Variants in WASHC2A observed in about 807,000 individuals in gnomAD.
The protein encoded by WASHC2A is WASH complex subunit 2A.
In WASHC2A, 82 loss-of-function variants were observed where a neutral mutation model predicts 140.3. That is an observed-to-expected ratio of 0.58 (90% confidence interval 0.49 to 0.70). The LOEUF (loss-of-function observed/expected upper bound fraction) is 0.70. Among genes scored for constraint, WASHC2A ranks in the 30% least tolerant of loss-of-function variants. The pLI is 0.00. For missense variants in WASHC2A, 985 were observed against 1,521.8 expected, an observed-to-expected ratio of 0.65 and a Z score of 5.87; for synonymous variants, 340 against 560.8, an observed-to-expected ratio of 0.61 and a Z score of 5.56.
rs1337138073 is a variant in WASHC2A, at chr10:50,077,116, C to CA, written c.292-1544dup. 2.3e-3 allele frequency among the ~76,000 whole-genome samples: 278 copies of CA among 119,986 alleles called. 1 individual carries two copies. Among genetic ancestry groups the CA allele is most frequent in the East Asian group, 5.2e-3 (20 of 3,878 alleles). The allele number at this position is 119,986 out of a possible 152,430, so 78.7% of individuals were successfully genotyped here. A position where few individuals can be genotyped will look rare whatever the true frequency, so the allele number is the denominator to read the frequency against. ...TTGGCAACAGAGTGAGACTCCATCT[C>CA]AAAAAAAAAAAAAAAGGGCAAAAAC... On this transcript the variant is annotated intron_variant, in intron 3 of 30. Transcript: ENST00000282633.
intron 8 of WASHC2A, among the ~76,000 whole-genome samples, chr10:50,087,712 C>T (rs1402285305): frequency 6.6e-6 from 1 of 152,080 alleles, no homozygotes; most frequent in African/African-American, 2.4e-5. Context: ...TGTCTTAGCA[C>T]GGTTATCTTA....
intron 17 of WASHC2A, among the ~76,000 whole-genome samples, chr10:50,101,794 T>A (rs1272599143): frequency 5.4e-5 from 8 of 148,904 alleles, no homozygotes; most frequent in Non-Finnish European, 1.5e-5. Context: ...GGGTCTCTTG[T>A]GTCTGAAGGT....
chr10:50,082,193 T>C (rs1838962256), intron 5 of WASHC2A, among the ~76,000 whole-genome samples: 1 of 149,972 alleles, frequency 6.7e-6, no homozygotes, highest in East Asian at 2.0e-4. Flanking sequence ...CACTTTTCTT[T>C]TGTAGGAGGA....
chr10:50,114,106 T>C, intron 21 of WASHC2A, 109 bp downstream of exon 21: 1 of 327,062 alleles, frequency 3.1e-6, no homozygotes, highest in Non-Finnish European at 5.2e-6. Context: ...CTGAGTCTTA[T>C]GGAAGACCTT....
In WASHC2A at chr10:50,133,399, T is replaced by C. The variant is rs1366606407; in HGVS notation, c.*454T>C. 8.5e-6 allele frequency: 4 copies of C among 472,364 alleles called. No individual in the cohort carries two copies. Among genetic ancestry groups the C allele is most frequent in the Non-Finnish European group, 1.7e-5 (4 of 229,440 alleles). The allele number at this position is 472,364 out of a possible 1,614,324, so 29.3% of individuals were successfully genotyped here. ...AGTCTTAGCAATATGGGAGCAGGTT[T>C]TCACTGAATTCTGAGGGTGCCTCTG... On this transcript the variant is annotated 3_prime_UTR_variant, in exon 31 of 31. Transcript: ENST00000282633.
At chr10:50,124,788 G>A (rs1349583309) in intron 23 of WASHC2A, among the ~76,000 whole-genome samples, 20 of 150,394 alleles carry the variant, frequency 1.3e-4, no homozygotes, top group African/African-American at 4.9e-4. Flanking sequence ...CTAATGGATT[G>A]CTTTTCTAAT....
intron 19 of WASHC2A, among the ~76,000 whole-genome samples, chr10:50,109,161 C>T (rs1554889440): frequency 6.6e-6 from 1 of 152,142 alleles, no homozygotes; most frequent in African/African-American, 2.4e-5. Flanking sequence ...CTGCTGCTGG[C>T]TTGTGGACTC....
At position 50,125,259 on chromosome 10, in the gene WASHC2A, C is replaced by G. The variant is rs1843335660; in HGVS notation, c.2607+18C>G. ...AAACCAAGGTCAGTTCCAAATGGTT[C>G]CCCACAGTATGACTTGTTATTGTAT... On this transcript the variant is annotated intron_variant, in intron 24 of 30. Coordinates refer to ENST00000282633, the MANE Select transcript of WASHC2A (RefSeq NM_001005751.3). 6.2e-7 allele frequency: 1 copy of G among 1,605,362 alleles called. No individual in the cohort carries two copies. The highest frequency in any genetic ancestry group is 2.2e-5 in the East Asian group (1 of 44,800).
intron 30 of WASHC2A, among the ~76,000 whole-genome samples, chr10:50,131,489 GT>G (rs1391510585): frequency 2.0e-5 from 3 of 152,200 alleles, no homozygotes; most frequent in African/African-American, 7.2e-5. Flanking sequence ...AGTGTCCATG[GT>G]TCTGTGCGAG....
At chr10:50,090,515 A>AATATATATATATATATATTT (rs1203140565) in intron 8 of WASHC2A, among the ~76,000 whole-genome samples, 5 of 108,712 alleles carry the variant, frequency 4.6e-5, no homozygotes, top group African/African-American at 1.3e-4. Flanking sequence ...AAAAAAAAAA[A>AATATATATATATATATATTT]ATATATATAT....
rs1554875427 is a variant in WASHC2A at position 50,069,548 on chromosome 10, T to A, written c.128T>A (p.Leu43Gln). Residue 43 changes from leucine (L) to glutamine (Q), a missense_variant and splice_region_variant, in exon 3 of 31, where the codon CTA becomes CAA. Coordinates refer to ENST00000282633, the MANE Select transcript of WASHC2A (RefSeq NM_001005751.3). ...QSWSLAADAG[L>Q]LQFLQEFSQQ... ...CTGTATGTTTATTTTTTAAAATAGCTACTACAGTTTCTACAGGAATTCTCA... is the reference window on the plus strand; with the variant it reads ...CTGTATGTTTATTTTTTAAAATAGCAACTACAGTTTCTACAGGAATTCTCA... The A allele has an allele frequency of 6.2e-7, 1 of 1,612,932 alleles. No individual in the cohort carries two copies. Among genetic ancestry groups the A allele is most frequent in the Non-Finnish European group, 8.5e-7 (1 of 1,179,534 alleles).
intron 23 of WASHC2A, among the ~76,000 whole-genome samples, chr10:50,124,474 C>G (rs1843254155): frequency 6.6e-6 from 1 of 151,678 alleles, no homozygotes; most frequent in South Asian, 2.1e-4. Context: ...AGGTCTGGAG[C>G]ATTGTATTAT....
chr10:50,106,360 T>C lies in WASHC2A; in HGVS notation c.1764T>C (p.Ala588=). The C allele has an allele frequency of 1.2e-6, 2 of 1,611,832 alleles. No homozygotes were observed. Reference sequence around the variant, plus strand: ...ATAATCTTTTTGGGGGTACAGCTGCTAAGAAGCAGACATTGTGTCTACAAG... The same window carrying C: ...ATAATCTTTTTGGGGGTACAGCTGCCAAGAAGCAGACATTGTGTCTACAAG... The part of the protein sequence containing the change: ...EEDNLFGGTA[A]KKQTLCLQAQ... The change falls in exon 19 of 31, where the codon GCT becomes GCC. Residue 588 remains alanine (A), a synonymous_variant. Coordinates refer to ENST00000282633, the MANE Select transcript of WASHC2A (RefSeq NM_001005751.3).
chr10:50,077,034 G>A (rs7909944), intron 3 of WASHC2A, among the ~76,000 whole-genome samples: 2,748 of 148,594 alleles, frequency 0.018, 60 homozygotes, highest in African/African-American at 0.054. Context: ...GGAGAATGGC[G>A]TGAACCCAGG....
chr10:50,104,476 C>A (rs1382948795), intron 18 of WASHC2A, among the ~76,000 whole-genome samples: 2 of 151,736 alleles, frequency 1.3e-5, no homozygotes, highest in Non-Finnish European at 2.9e-5. Context: ...CCTGCCTCGA[C>A]CTCCCAAGTA....
intron 30 of WASHC2A, 47 bp downstream of exon 30, chr10:50,131,125 G>T: frequency 6.2e-7 from 1 of 1,611,860 alleles, no homozygotes. Context: ...TTACCTTTCT[G>T]TCACTTGGTA....
chr10:50,072,259 A>G (rs1279103336), intron 3 of WASHC2A, among the ~76,000 whole-genome samples: 1 of 149,700 alleles, frequency 6.7e-6, no homozygotes, highest in Non-Finnish European at 1.5e-5. Context: ...CCTTAGTGTT[A>G]AGTCTTGATG....
At chr10:50,100,439 A>G (rs1192375393) in intron 17 of WASHC2A, among the ~76,000 whole-genome samples, 5 of 152,334 alleles carry the variant, frequency 3.3e-5, no homozygotes, top group East Asian at 3.9e-4. Flanking sequence ...CCGAGATCAC[A>G]CCATTGCACT....
Position 50,068,134 on chromosome 10 carries a change from G to A in WASHC2A, c.33G>A (p.Leu11=). 6.2e-7 allele frequency: 1 copy of A among 1,603,560 alleles called. No individual in the cohort carries two copies. MMNRTTPDQE[L]APASEPVWER... ...ACCGGACGACCCCCGACCAGGAGCT[G>A]GCGCCAGCGTCGGAGCCCGTGTGGG... Residue 11 remains leucine (L), a synonymous_variant, in exon 2 of 31, where the codon CTG becomes CTA. Transcript: ENST00000282633.
Sources: allele counts gnomAD v4.1 joint callset (sites outside exome capture counted in the v4.1 genomes callset), GRCh38; gene constraint gnomAD v4.1.1; transcripts MANE v1.5; gene names NCBI Gene and HGNC (gene_info 2026-07-23, HGNC 2026-07-21).